The following MBTD1 variants were observed in gnomAD, a reference collection of about 807,000 sequenced individuals.
MBTD1 encodes the protein mbt domain containing 1, also known as MBT domain-containing protein 1.
In MBTD1, 24 loss-of-function variants were observed where a neutral mutation model predicts 87.8. That is an observed-to-expected ratio of 0.27 (90% confidence interval 0.20 to 0.38). The LOEUF (loss-of-function observed/expected upper bound fraction) is 0.38. Ranked by LOEUF, MBTD1 falls within the 10% of genes least tolerant of loss-of-function variation. The pLI, the probability that MBTD1 is intolerant of heterozygous loss-of-function variation, is 1.00. For synonymous variants in MBTD1, 237 were observed against 248.6 expected (o/e 0.95, Z 0.44); for missense variants, 436 against 760.2 (o/e 0.57, Z 5.02).
chr17:51,216,223 T>A (rs1423864493), intron 6 of MBTD1, among the ~76,000 whole-genome samples: 1 of 152,160 alleles, frequency 6.6e-6, no homozygotes, highest in Non-Finnish European at 1.5e-5. Flanking sequence ...TGAGCCACCG[T>A]GCCCGGCCTA....
At chr17:51,226,102 G>A (rs376843251) in intron 2 of MBTD1, among the ~76,000 whole-genome samples, 1 of 150,092 alleles carries the variant, frequency 6.7e-6, no homozygotes, top group Non-Finnish European at 1.5e-5. Context: ...TTGGGAGGCC[G>A]AGGTGGGATG....
At chr17:51,189,739 C>T (rs912415690) in intron 16 of MBTD1, among the ~76,000 whole-genome samples, 25 of 152,158 alleles carry the variant, frequency 1.6e-4, no homozygotes, top group African/African-American at 5.1e-4. Context: ...AAAGTGAAAG[C>T]AGACTTGTTA....
chr17:51,179,768 A>T lies in MBTD1; in HGVS notation c.*808T>A, dbSNP rs1158536363. The stretch of plus-strand genomic sequence containing the variant: ...CTGATCAGAATCCCTTTCGTGGGGT[A>T]TTTTTTTTAGAAAGGAAAATAAACT... On this transcript the variant is annotated 3_prime_UTR_variant, in exon 17 of 17. Coordinates refer to ENST00000586178, the MANE Select transcript of MBTD1 (RefSeq NM_017643.3). The T allele has an allele frequency of 6.6e-6, 1 of 150,770 alleles. No individual in the cohort carries two copies. The highest frequency in any genetic ancestry group is 1.9e-4 in the East Asian group (1 of 5,142). The allele number at this position is 150,770 out of a possible 1,614,324, so 9.3% of individuals were successfully genotyped here.
At chr17:51,181,164 C>T (rs1016421320) in intron 16 of MBTD1, among the ~76,000 whole-genome samples, 3 of 151,760 alleles carry the variant, frequency 2.0e-5, no homozygotes, top group South Asian at 2.1e-4. Context: ...GTAGGTGGGA[C>T]TACAGGCACC....
rs2050224792 is a variant in MBTD1, at chr17:51,179,515, T to TATATATATATATATATATATTC, written c.*1060_*1061insGAATATATATATATATATATAT. 1 of 101,510 alleles carries TATATATATATATATATATATTC rather than the reference T, an allele frequency of 9.9e-6. No individual in the cohort carries two copies. Among genetic ancestry groups the TATATATATATATATATATATTC allele is most frequent in the African/African-American group, 3.7e-5 (1 of 27,222 alleles). 6.3% of individuals were successfully genotyped at this position (101,510 alleles called of 1,614,324 possible). On this transcript the variant is annotated 3_prime_UTR_variant, in exon 17 of 17. Coordinates refer to ENST00000586178, the MANE Select transcript of MBTD1 (RefSeq NM_017643.3). Reference sequence around the variant, plus strand: ...ATATATATATATATATATATATATATATATATATATATATATATATATGGA... The same window carrying TATATATATATATATATATATTC: ...ATATATATATATATATATATATATATATATATATATATATATATATTCATATATATATATATATATATATGGA...
At chr17:51,194,566 CAAAAAAAAAAAAAAAAAAAA>C (rs71355733) in intron 13 of MBTD1, among the ~76,000 whole-genome samples, 2 of 19,752 alleles carry the variant, frequency 1.0e-4, no homozygotes, top group African/African-American at 5.3e-4. Context: ...GAGACTGTCT[CAAAAAAAAAAAAAAAAAAAA>C]AAAAAAGTCC....
At chr17:51,181,427 A>G (rs545983784) in intron 16 of MBTD1, among the ~76,000 whole-genome samples, 44 of 151,920 alleles carry the variant, frequency 2.9e-4, no homozygotes, top group African/African-American at 1.1e-3. Flanking sequence ...GATGTAACAT[A>G]TATTTTTAAA....
upstream of MBTD1, chr17:51,260,499 C>A (rs923642074): frequency 7.0e-7 from 1 of 1,430,208 alleles, no homozygotes; most frequent in Non-Finnish European, 9.3e-7. Context: ...GCCCCCGGGG[C>A]TTCGGCGGCG....
chr17:51,189,000 C>T (rs917536186), intron 16 of MBTD1, among the ~76,000 whole-genome samples: 16 of 152,034 alleles, frequency 1.1e-4, no homozygotes, highest in Admixed American at 2.0e-4. Context: ...TCAGGTGATC[C>T]GCCTGCCTCG....
At chr17:51,215,545 T>G (rs1426895536) in intron 6 of MBTD1, among the ~76,000 whole-genome samples, 2 of 152,204 alleles carry the variant, frequency 1.3e-5, no homozygotes, top group African/African-American at 2.4e-5. Flanking sequence ...AGAGTTACTG[T>G]AACTGAGAAC....
intron 2 of MBTD1, among the ~76,000 whole-genome samples, chr17:51,243,271 CCAGTA>C (rs1477776228): frequency 6.7e-6 from 1 of 150,140 alleles, no homozygotes; most frequent in Non-Finnish European, 1.5e-5. Flanking sequence ...AAATGGTATG[CCAGTA>C]TAGTTGTCAC....
At chr17:51,195,422 C>T (rs879389286) in intron 12 of MBTD1, 61 bp from the exon 13 acceptor site, 3 of 1,333,630 alleles carry the variant, frequency 2.2e-6, no homozygotes, top group African/African-American at 1.5e-5. Context: ...AAAAATAATA[C>T]TTTGACATTC....
chr17:51,201,644 T>C lies in MBTD1; in HGVS notation c.1172A>G (p.Glu391Gly). The C allele has an allele frequency of 6.2e-7, 1 of 1,612,380 alleles. No homozygotes were observed. The highest frequency in any genetic ancestry group is 8.5e-7 in the Non-Finnish European group (1 of 1,179,066). ...GEWFKEGMKLEAIDPLNLSTI... is the reference protein window; with the variant it reads ...GEWFKEGMKLGAIDPLNLSTI... ...AGAAAGATTTAATGGGTCTATAGCT[T>C]CCAATTTCATTCCTTCCTTGAACCA... The change falls in exon 12 of 17, where the codon GAA becomes GGA. Residue 391 changes from glutamate (E) to glycine (G), a missense_variant. By Grantham distance (98) the Glu-to-Gly change is moderately conservative. Around this residue, in one of 5 missense-constraint regions of MBTD1, gnomAD observed 268 missense variants for 401.8 expected, o/e 0.67. Transcript: ENST00000586178.
intron 2 of MBTD1, among the ~76,000 whole-genome samples, chr17:51,248,868 T>C (rs1420034729): frequency 6.6e-6 from 1 of 152,194 alleles, no homozygotes; most frequent in African/African-American, 2.4e-5. Flanking sequence ...CTTTTGCTTT[T>C]TGAATTTGTT....
At chr17:51,202,203 A>G (rs1250040031) in intron 10 of MBTD1, 126 bp from the exon 11 acceptor site, 1 of 653,518 alleles carries the variant, frequency 1.5e-6, no homozygotes, top group African/African-American at 1.8e-5. Flanking sequence ...CATGCCTTCT[A>G]CATTTGGGGT....
chr17:51,198,433 T>C (rs922881314), intron 12 of MBTD1, among the ~76,000 whole-genome samples: 1 of 152,226 alleles, frequency 6.6e-6, no homozygotes, highest in African/African-American at 2.4e-5. Context: ...GTTATTTCTA[T>C]ATGGTAAACA....
chr17:51,203,158 A>G lies in MBTD1; in HGVS notation c.810T>C (p.Pro270=). 1 of 1,596,684 alleles carries G rather than the reference A, an allele frequency of 6.3e-7. No homozygotes were observed. Among genetic ancestry groups the G allele is most frequent in the South Asian group, 1.2e-5 (1 of 86,750 alleles). The change falls in exon 9 of 17, where the codon CCT becomes CCC. Residue 270 remains proline (P), a synonymous_variant. Transcript: ENST00000586178. ...VKRLTGAKTL[P]PDFSQKVSES... is the part of the protein sequence containing the mutation. ...TTTTTACCTTTTGGGAGAAATCAGG[A>G]GGCAGTGTTTTGGCACCAGTAAGTC...
At position 51,223,922 on chromosome 17, in the gene MBTD1, A is replaced by C. The variant is rs369483145; in HGVS notation, c.154+1086T>G. Among the ~76,000 whole-genome samples the C allele has an allele frequency of 2.0e-5, 3 of 152,362 alleles. No individual in the cohort carries two copies. The East Asian group carries it at 5.8e-4, about 29-fold the overall frequency. On this transcript the variant is annotated intron_variant, in intron 3 of 16. Coordinates refer to ENST00000586178, the MANE Select transcript of MBTD1 (RefSeq NM_017643.3). ...CAAAGTCCTACATCTTGGGTTTAAA[A>C]AGTTAACTGCAGTAAGACTGGTTTA...
intron 7 of MBTD1, 131 bp downstream of exon 7, chr17:51,206,757 G>A (rs2051864527): frequency 1.7e-6 from 1 of 590,718 alleles, no homozygotes; most frequent in Non-Finnish European, 3.0e-6. Context: ...AAAACAATTT[G>A]CCAACCCCTG....
Sources: gnomAD v4.1 joint callset for allele counts (sites outside exome capture counted in the v4.1 genomes callset) on GRCh38, gnomAD v4.1.1 for gene constraint, gnomAD v4.1.1 regional missense constraint, MANE v1.5 for transcripts, NCBI Gene and HGNC (gene_info 2026-07-23, HGNC 2026-07-21) for gene names.